The following AK5 variants were observed in gnomAD, a reference collection of about 807,000 sequenced individuals.
AK5 encodes the protein adenylate kinase isoenzyme 5.
Under a neutral mutation model 69.5 loss-of-function variants are expected in AK5, and 27 were observed. That is an observed-to-expected ratio of 0.39 (90% CI 0.29 to 0.54). The LOEUF (loss-of-function observed/expected upper bound fraction) is 0.54. Ranked by LOEUF, AK5 falls within the 20% of genes least tolerant of loss-of-function variation. The pLI is 0.71. For missense variants in AK5, 531 were observed against 700.4 expected (o/e 0.76, Z 2.73); for synonymous variants, 260 against 244.4 (o/e 1.06, Z -0.60).
intron 8 of AK5, among the ~76,000 whole-genome samples, chr1:77,477,205 T>G (rs1165884944): frequency 1.3e-5 from 2 of 152,090 alleles, no homozygotes; most frequent in African/African-American, 4.8e-5. Flanking sequence ...TTTTTTAAAT[T>G]TTTTGTAGAG....
intron 10 of AK5, 115 bp downstream of exon 10, chr1:77,486,467 G>A (rs1004448177): frequency 3.4e-5 from 22 of 641,616 alleles, no homozygotes; most frequent in African/African-American, 2.1e-4. Flanking sequence ...AGGCCAAGGC[G>A]GGCAGATCAC....
At chr1:77,403,923 C>T (rs1026001588) in intron 6 of AK5, among the ~76,000 whole-genome samples, 1 of 152,128 alleles carries the variant, frequency 6.6e-6, no homozygotes, top group Non-Finnish European at 1.5e-5. Flanking sequence ...TTCTTCCTAC[C>T]CATGAGCATG....
intron 10 of AK5, among the ~76,000 whole-genome samples, chr1:77,504,208 TC>T (rs1320099946): frequency 6.6e-6 from 1 of 152,140 alleles, no homozygotes; most frequent in East Asian, 1.9e-4. Context: ...TTTTATTATT[TC>T]CCCCTAAGTC....
chr1:77,397,291 G>T (rs1385605809), intron 6 of AK5, among the ~76,000 whole-genome samples: 1 of 151,828 alleles, frequency 6.6e-6, no homozygotes, highest in Non-Finnish European at 1.5e-5. Context: ...CGTACCCACC[G>T]CCTGGCCCCC....
intron 5 of AK5, chr1:77,313,656 A>G: frequency 2.5e-6 from 1 of 406,152 alleles, no homozygotes; most frequent in Non-Finnish European, 4.9e-6. Flanking sequence ...TCTACAGCAC[A>G]CCCTGTCCTC....
intron 6 of AK5, among the ~76,000 whole-genome samples, chr1:77,394,873 C>T (rs1231745378): frequency 2.0e-5 from 3 of 151,906 alleles, no homozygotes; most frequent in Non-Finnish European, 4.4e-5. Context: ...AATGAGCTTG[C>T]GAATTCAAGA....
chr1:77,536,732 C>A (rs1275325563), intron 13 of AK5, among the ~76,000 whole-genome samples: 1 of 152,192 alleles, frequency 6.6e-6, no homozygotes, highest in Non-Finnish European at 1.5e-5. Context: ...AGCTAAGATT[C>A]AATGACTTTG....
intron 8 of AK5, among the ~76,000 whole-genome samples, chr1:77,435,660 A>AG (rs1651914920): frequency 6.6e-6 from 1 of 151,730 alleles, no homozygotes; most frequent in Non-Finnish European, 1.5e-5. Flanking sequence ...AAAAAAAAAA[A>AG]GAAGCTGCAG....
At chr1:77,535,719 A>G (rs531176856) in intron 12 of AK5, 128 bp from the exon 13 acceptor site, 51 of 762,686 alleles carry the variant, frequency 6.7e-5, no homozygotes, top group Admixed American at 1.2e-4. Flanking sequence ...CAGCTGCACC[A>G]TAGTGTAATG....
At chr1:77,505,588 C>G (rs1048497862) in intron 10 of AK5, among the ~76,000 whole-genome samples, 29 of 152,080 alleles carry the variant, frequency 1.9e-4, no homozygotes, top group African/African-American at 6.8e-4. Flanking sequence ...AACAAGAGGG[C>G]CGACATGGTG....
intron 6 of AK5, among the ~76,000 whole-genome samples, chr1:77,367,788 T>TATATAATATATGTTATATATA (rs1557533947): frequency 1.2e-4 from 1 of 8,390 alleles, no homozygotes; most frequent in Non-Finnish European, 2.1e-4. Flanking sequence ...TAATATATGT[T>TATATAATATATGTTATATATA]ATATATGTTA....
chr1:77,462,551 A>G (rs746180858), intron 8 of AK5, among the ~76,000 whole-genome samples: 7 of 152,164 alleles, frequency 4.6e-5, no homozygotes, highest in African/African-American at 1.2e-4. Context: ...GAATATATAT[A>G]TACAGTTTTA....
intron 6 of AK5, among the ~76,000 whole-genome samples, chr1:77,404,037 G>A (rs1054967904): frequency 9.2e-5 from 14 of 152,044 alleles, no homozygotes; most frequent in Non-Finnish European, 4.4e-5. Context: ...TGGATTCCTA[G>A]GTATTTTATT....
At chr1:77,519,305 A>C (rs1657850677) in intron 11 of AK5, among the ~76,000 whole-genome samples, 1 of 152,164 alleles carries the variant, frequency 6.6e-6, no homozygotes, top group African/African-American at 2.4e-5. Context: ...CTCTGTTAGC[A>C]ACAGAGCTGT....
chr1:77,470,859 ATATATATATATATATATTTTTT>A (rs1654448783), intron 8 of AK5, among the ~76,000 whole-genome samples: 1 of 1,724 alleles, frequency 5.8e-4, no homozygotes, highest in Admixed American at 8.6e-3. Context: ...ATATATATAT[ATATATATATATATATATTTTTT>A]TTTTTTTTTT....
In AK5 at chr1:77,400,933, T is replaced by TAAAAA. The variant is rs71689422; in HGVS notation, c.892-10030_892-10026dup. 5.6e-4 allele frequency among the ~76,000 whole-genome samples: 65 copies of TAAAAA among 115,290 alleles called. 2 individuals carry two copies. The highest frequency in any genetic ancestry group is 2.1e-3 in the South Asian group (7 of 3,372). 75.6% of individuals were successfully genotyped at this position (115,290 alleles called of 152,430 possible). A position where few individuals can be genotyped will look rare whatever the true frequency, so the allele number is the denominator to read the frequency against. Reference sequence around the variant, plus strand: ...ATGATTTGTCCTTCTTTCATTCTGTTAAAAAAAAAAAAAAAAAAAAAAGTA... The same window carrying TAAAAA: ...ATGATTTGTCCTTCTTTCATTCTGTTAAAAAAAAAAAAAAAAAAAAAAAAAAAGTA... On this transcript the variant is annotated intron_variant, in intron 6 of 13. Coordinates refer to ENST00000354567, the MANE Select transcript of AK5 (RefSeq NM_174858.3).
chr1:77,456,109 C>G (rs1653466039), intron 8 of AK5, among the ~76,000 whole-genome samples: 1 of 152,148 alleles, frequency 6.6e-6, no homozygotes, highest in Admixed American at 6.5e-5. Flanking sequence ...TTTGTCCACT[C>G]TAAGGCAATG....
At chr1:77,352,480 AT>A (rs1662261846) in intron 6 of AK5, among the ~76,000 whole-genome samples, 1 of 152,218 alleles carries the variant, frequency 6.6e-6, no homozygotes. Flanking sequence ...CCCTCAGTTA[AT>A]GACAGGGAAT....
At chr1:77,414,072 G>T (rs1224602354) in intron 7 of AK5, among the ~76,000 whole-genome samples, 1 of 152,194 alleles carries the variant, frequency 6.6e-6, no homozygotes, top group Non-Finnish European at 1.5e-5. Flanking sequence ...AATGTTTGTA[G>T]CATGGATCAA....
Sources: gnomAD v4.1 joint callset for allele counts (sites outside exome capture counted in the v4.1 genomes callset) on GRCh38, gnomAD v4.1.1 for gene constraint, MANE v1.5 for transcripts, NCBI Gene and HGNC (gene_info 2026-07-23, HGNC 2026-07-21) for gene names.